SAMD14: variants seen among roughly 807,000 people sequenced by gnomAD.
The protein encoded by SAMD14 is sterile alpha motif domain-containing protein 14.
Under a neutral mutation model 46.2 loss-of-function variants are expected in SAMD14, and 27 were observed. That is an observed-to-expected ratio of 0.58 (90% CI 0.43 to 0.81). SAMD14 has a LOEUF of 0.81. SAMD14 is among the 30% of genes least tolerant of loss of function. The probability of loss-of-function intolerance (pLI) is 0.00; values close to 1 mark genes in which losing one functional copy is unlikely to be tolerated. For missense variants in SAMD14, 559 were observed against 582.2 expected, an observed-to-expected ratio of 0.96 and a Z score of 0.41; for synonymous variants, 241 against 254.3, an observed-to-expected ratio of 0.95 and a Z score of 0.50.
At chr17:50,123,945 G>A (rs545312406) in intron 2 of SAMD14, 25 of 392,192 alleles carry the variant, frequency 6.4e-5, no homozygotes, top group African/African-American at 4.9e-4. Flanking sequence ...GGCAGTTCAA[G>A]GCTAGGGGAG....
At position 50,129,844 on chromosome 17, in the gene SAMD14, C is replaced by CAGAG. The variant is rs56004942; in HGVS notation, c.-344_-341dup. ...TGCGTGTGCGTGTGTGTGTGTGTGA[C>CAGAG]AGAGAGAGAGAGAGAGAGAAGAGCG... On this transcript the variant is annotated 5_prime_UTR_variant, in exon 1 of 10. Coordinates refer to ENST00000330175, the MANE Select transcript of SAMD14 (RefSeq NM_001257359.2). The surrounding 1 kb of genome is among the most constrained non-coding windows in gnomAD (Gnocchi z 5.6). 25,795 of 145,546 alleles carry CAGAG rather than the reference C, an allele frequency of 0.18. 2,514 individuals carry two copies. The highest frequency in any genetic ancestry group is 0.27 in the African/African-American group (11,108 of 40,496). The allele number at this position is 145,546 out of a possible 1,614,324, so 9.0% of individuals were successfully genotyped here.
intron 7 of SAMD14, 73 bp from the exon 8 acceptor site, chr17:50,114,379 A>T: frequency 6.2e-7 from 1 of 1,613,870 alleles, no homozygotes; most frequent in Non-Finnish European, 8.5e-7. Context: ...GGTGGAGCCG[A>T]AGTCCTGGAC....
rs80009143 is a variant in SAMD14, at chr17:50,125,851, C to T, written c.-12-880G>A. Among the ~76,000 whole-genome samples the T allele has an allele frequency of 6.8e-3, 1,038 of 152,302 alleles. 11 individuals are homozygous for T. Among genetic ancestry groups the T allele is most frequent in the African/African-American group, 0.022 (934 of 41,554 alleles). On this transcript the variant is annotated intron_variant, in intron 1 of 9. Transcript: ENST00000330175. The stretch of plus-strand genomic sequence containing the variant: ...AGGAATACACACAGCACACAATGGA[C>T]AGCCAAACCTCTATGATGCAACTAT...
chr17:50,115,945 G>C lies in SAMD14; in HGVS notation c.588-41C>G, dbSNP rs1911173119. The C allele has an allele frequency of 6.2e-7, 1 of 1,613,286 alleles. No individual in the cohort carries two copies. Among genetic ancestry groups the C allele is most frequent in the African/African-American group, 1.3e-5 (1 of 75,052 alleles). On this transcript the variant is annotated intron_variant, in intron 5 of 9. Transcript: ENST00000330175. This position sits in a 1 kb window ranked among gnomAD's most constrained non-coding sequence, Gnocchi z 5.3. Reference sequence around the variant, plus strand: ...AGGAAGTGGGGCAGGGCTGCCCACTGTGCTACCCCTTACCCCAGCAGCTCC... The same window carrying C: ...AGGAAGTGGGGCAGGGCTGCCCACTCTGCTACCCCTTACCCCAGCAGCTCC...
At chr17:50,113,512 C>G (rs1910985864) in intron 9 of SAMD14, 1 of 274,956 alleles carries the variant, frequency 3.6e-6, no homozygotes, top group African/African-American at 2.2e-5. Flanking sequence ...CAGAGGCCAC[C>G]ACCCCCTTCC....
intron 1 of SAMD14, 176 bp from the exon 2 acceptor site, chr17:50,125,147 G>T: frequency 1.7e-6 from 1 of 604,396 alleles, no homozygotes; most frequent in Non-Finnish European, 2.9e-6. Context: ...TAACCCAGAT[G>T]GTGGGCGCCG....
intron 1 of SAMD14, among the ~76,000 whole-genome samples, chr17:50,126,854 C>T (rs1408395224): frequency 3.3e-5 from 5 of 151,688 alleles, no homozygotes; most frequent in African/African-American, 9.7e-5. Context: ...AATCCCAGCA[C>T]TTTGGGAGGC....
chr17:50,118,020 C>T (rs529646746), intron 3 of SAMD14, 141 bp downstream of exon 3: 3 of 893,916 alleles, frequency 3.4e-6, no homozygotes, highest in Non-Finnish European at 5.0e-6. Context: ...AAGTGAACTG[C>T]AGCTAACACT....
chr17:50,124,076 G>T (rs779259748), intron 2 of SAMD14: 1 of 455,956 alleles, frequency 2.2e-6, no homozygotes, highest in South Asian at 1.5e-5. Flanking sequence ...GGAGCAGGCC[G>T]CTCTCACCCT....
intron 1 of SAMD14, among the ~76,000 whole-genome samples, chr17:50,126,495 C>T (rs1030093378): frequency 6.6e-6 from 1 of 151,864 alleles, no homozygotes; most frequent in Non-Finnish European, 1.5e-5. Flanking sequence ...TTAGTAGAGA[C>T]AGGGTTTCAC....
At position 50,129,844 on chromosome 17, in the gene SAMD14, C is replaced by CAGAGAGAGAGAGAGAGAGAG. The variant is rs56004942; in HGVS notation, c.-341_-340insCTCTCTCTCTCTCTCTCTCT. On this transcript the variant is annotated 5_prime_UTR_variant, in exon 1 of 10. Transcript: ENST00000330175. The surrounding 1 kb of genome is among the most constrained non-coding windows in gnomAD (Gnocchi z 5.6). Reference sequence around the variant, plus strand: ...TGCGTGTGCGTGTGTGTGTGTGTGACAGAGAGAGAGAGAGAGAGAAGAGCG... The same window carrying CAGAGAGAGAGAGAGAGAGAG: ...TGCGTGTGCGTGTGTGTGTGTGTGACAGAGAGAGAGAGAGAGAGAGAGAGAGAGAGAGAGAGAGAAGAGCG... 1 of 145,696 alleles carries CAGAGAGAGAGAGAGAGAGAG rather than the reference C, an allele frequency of 6.9e-6. No individual in the cohort carries two copies. Among genetic ancestry groups the CAGAGAGAGAGAGAGAGAGAG allele is most frequent in the African/African-American group, 2.5e-5 (1 of 40,556 alleles). The allele number at this position is 145,696 out of a possible 1,614,324, so 9.0% of individuals were successfully genotyped here. A position where few individuals can be genotyped will look rare whatever the true frequency, so the allele number is the denominator to read the frequency against.
intron 3 of SAMD14, 150 bp downstream of exon 3, chr17:50,118,011 A>G: frequency 1.2e-6 from 1 of 846,518 alleles, no homozygotes; most frequent in Non-Finnish European, 1.8e-6. Flanking sequence ...ATGAGCCAGA[A>G]GTGAACTGCA....
chr17:50,126,471 A>AT (rs34871392), intron 1 of SAMD14, among the ~76,000 whole-genome samples: 1 of 151,486 alleles, frequency 6.6e-6, no homozygotes, highest in African/African-American at 2.4e-5. Context: ...CGCCTGGCTA[A>AT]TTTTTTTGTA....
chr17:50,113,779 AGGTCAGG>A, intron 9 of SAMD14, 138 bp downstream of exon 9: 1 of 861,202 alleles, frequency 1.2e-6, no homozygotes, highest in Admixed American at 2.7e-5. Context: ...TAGAGGTCAG[AGGTCAGG>A]GTGGTGGCCA....
In SAMD14 at chr17:50,117,594, C is replaced by A; in HGVS notation, c.312G>T (p.Gly104=). Reference sequence around the variant, plus strand: ...CGTCCTCGTCCAGGCTGCGCCGCAACCCCGGAGGATCCAGGCAGAAAGAGC... The same window carrying A: ...CGTCCTCGTCCAGGCTGCGCCGCAAACCCGGAGGATCCAGGCAGAAAGAGC... ...AGGSFCLDPP[G]LRRSLDEDEP... The change falls in exon 4 of 10, where the codon GGG becomes GGT. Residue 104 remains glycine, a synonymous_variant. Transcript: ENST00000330175. 2 of 1,554,562 alleles carry A rather than the reference C, an allele frequency of 1.3e-6. No homozygotes were observed. Among genetic ancestry groups the A allele is most frequent in the African/African-American group, 1.4e-5 (1 of 71,978 alleles).
intron 2 of SAMD14, 39 bp downstream of exon 2, chr17:50,124,878 T>A: frequency 6.2e-7 from 1 of 1,607,968 alleles, no homozygotes; most frequent in Admixed American, 1.7e-5. Flanking sequence ...ACTCTATGGC[T>A]GTGTCTATTG....
At position 50,114,216 on chromosome 17, in the gene SAMD14, AG is replaced by A; in HGVS notation, c.912del (p.Tyr305ThrfsTer48). The part of the protein sequence containing the change: ...GPWQEAKCSY[P>X]YHTLSQSSDE... ...TCTGAAGACTGAGACAGCGTGTGGTAGGGGTAAGAACATTTGGCCTCCTGCC... is the reference window on the plus strand; with the variant it reads ...TCTGAAGACTGAGACAGCGTGTGGTAGGGTAAGAACATTTGGCCTCCTGCC... On this transcript the variant is annotated frameshift_variant, in exon 8 of 10. Coordinates refer to ENST00000330175, the MANE Select transcript of SAMD14 (RefSeq NM_001257359.2). LOFTEE classifies it high-confidence loss of function. The A allele has an allele frequency of 6.2e-7, 1 of 1,614,170 alleles. No individual in the cohort carries two copies. Among genetic ancestry groups the A allele is most frequent in the Non-Finnish European group, 8.5e-7 (1 of 1,180,028 alleles).
In SAMD14 at chr17:50,129,463, C is replaced by A. The variant is rs1911934087; in HGVS notation, c.-13+54G>T. On this transcript the variant is annotated intron_variant, in intron 1 of 9. Coordinates refer to ENST00000330175, the MANE Select transcript of SAMD14 (RefSeq NM_001257359.2). This position sits in a 1 kb window ranked among gnomAD's most constrained non-coding sequence, Gnocchi z 5.6. ...CCCCACTCAGGGTCCCACCGCGGGC[C>A]CGAGTGGCCCTAGCCCCAGTTCCCG... The A allele has an allele frequency of 6.6e-6, 1 of 152,346 alleles. No homozygotes were observed. The highest frequency in any genetic ancestry group is 2.1e-4 in the South Asian group (1 of 4,838). The allele number at this position is 152,346 out of a possible 1,614,324, so 9.4% of individuals were successfully genotyped here.
chr17:50,124,935 G>A lies in SAMD14; in HGVS notation c.25C>T (p.Pro9Ser), dbSNP rs1292113185. ...AACTTACCAAAAACTTCATCCACGG[G>A]TTCTCGGAGCTTTGAAGAAGCCATG... The part of the protein sequence containing the change: MASSKLRE[P>S]VDEVFDLDLA... Residue 9 changes from proline (P) to serine (S), a missense_variant, in exon 2 of 10, where the codon CCC (proline) becomes TCC (serine). Pro to Ser is a moderately conservative substitution (Grantham distance 74, BLOSUM62 -1). Coordinates refer to ENST00000330175, the MANE Select transcript of SAMD14 (RefSeq NM_001257359.2). The A allele has an allele frequency of 6.2e-7, 1 of 1,614,092 alleles. No individual in the cohort carries two copies. Among genetic ancestry groups the A allele is most frequent in the Admixed American group, 1.7e-5 (1 of 60,022 alleles).
Sources: allele counts gnomAD v4.1 joint callset (sites outside exome capture counted in the v4.1 genomes callset), GRCh38; gene constraint gnomAD v4.1.1; non-coding constraint Gnocchi (gnomAD v3.1); transcripts MANE v1.5; gene names NCBI Gene and HGNC (gene_info 2026-07-23, HGNC 2026-07-21).